The following TNFRSF10D variants were observed in gnomAD, a reference collection of about 807,000 sequenced individuals.
TNFRSF10D encodes the protein TNF receptor superfamily member 10d, also known as tumor necrosis factor receptor superfamily member 10D.
Under a neutral mutation model 42.1 loss-of-function variants are expected in TNFRSF10D, and 28 were observed. The ratio of observed to expected loss-of-function variants is 0.66; its 90% CI spans 0.49 to 0.91. The LOEUF is 0.91. Among genes scored for constraint, TNFRSF10D ranks in the 40% least tolerant of loss-of-function variants. The pLI is 0.00. For synonymous variants in TNFRSF10D, 186 were observed against 189.4 expected (o/e 0.98, Z 0.15); for missense variants, 503 against 486.1 (o/e 1.03, Z -0.33).
chr8:23,142,297 T>A (rs1444459702), intron 7 of TNFRSF10D, among the ~76,000 whole-genome samples: 2 of 151,644 alleles, frequency 1.3e-5, no homozygotes, highest in Non-Finnish European at 2.9e-5. Context: ...AACAAATCAT[T>A]CTACCAAAAG....
rs371780307 is a variant in TNFRSF10D, at chr8:23,138,176, C to T, written c.1027+12G>A. 21 of 1,614,132 alleles carry T rather than the reference C, an allele frequency of 1.3e-5. No individual in the cohort carries two copies. The highest frequency in any genetic ancestry group is 1.8e-5 in the Non-Finnish European group (21 of 1,180,052). On this transcript the variant is annotated intron_variant, in intron 8 of 8. Transcript: ENST00000312584. ...TGTCCTCCTGCTGCGTCTCAAGGCACAAAACACTTACTGTCAGCGGAGTCA... is the reference window on the plus strand; with the variant it reads ...TGTCCTCCTGCTGCGTCTCAAGGCATAAAACACTTACTGTCAGCGGAGTCA...
rs115006844 is a variant in TNFRSF10D at position 23,138,282 on chromosome 8, G to A, written c.955-22C>T. ...GTTCCTGTAACACACAGTGGGGAATGCTCTGGTCAGAGTCAGGAGTCCTGC... is the reference window on the plus strand; with the variant it reads ...GTTCCTGTAACACACAGTGGGGAATACTCTGGTCAGAGTCAGGAGTCCTGC... On this transcript the variant is annotated intron_variant, in intron 7 of 8. Coordinates refer to ENST00000312584, the MANE Select transcript of TNFRSF10D (RefSeq NM_003840.5). The A allele has an allele frequency of 1.7e-3, 2,730 of 1,613,862 alleles. No homozygotes were observed. The African/African-American group carries it at 0.02, about 12-fold the overall frequency.
rs1316421847 is a variant in TNFRSF10D at position 23,151,991 on chromosome 8, C to T, written c.256+2883G>A. On this transcript the variant is annotated intron_variant, in intron 2 of 8. Transcript: ENST00000312584. ...TTTGTCCCGGTGGACTGTCTAATGC[C>T]TAATTGGGTGTTCATCTTGTACATG... 2.0e-5 allele frequency among the ~76,000 whole-genome samples: 3 copies of T among 152,140 alleles called. No individual in the cohort carries two copies. In the South Asian group the frequency reaches 6.2e-4, roughly 32 times the overall value.
At chr8:23,154,677 T>G (rs531006375) in intron 2 of TNFRSF10D, among the ~76,000 whole-genome samples, 197 bp downstream of exon 2, 4 of 152,356 alleles carry the variant, frequency 2.6e-5, no homozygotes, top group African/African-American at 9.6e-5. Context: ...CCCAGGGCTC[T>G]GTATCCATAC....
Position 23,154,992 on chromosome 8 carries a change from G to A in TNFRSF10D, c.151-13C>T. 1 of 1,594,148 alleles carries A rather than the reference G, an allele frequency of 6.3e-7. No individual in the cohort carries two copies. The highest frequency in any genetic ancestry group is 2.3e-5 in the East Asian group (1 of 44,044). ...AGTCAACCCGGACCTGTGGGGACAAGGCAGAGATGGGCTTGAGTGGCTTCC... is the reference window on the plus strand; with the variant it reads ...AGTCAACCCGGACCTGTGGGGACAAAGCAGAGATGGGCTTGAGTGGCTTCC... On this transcript the variant is annotated splice_polypyrimidine_tract_variant and intron_variant, in intron 1 of 8. Coordinates refer to ENST00000312584, the MANE Select transcript of TNFRSF10D (RefSeq NM_003840.5).
intron 7 of TNFRSF10D, among the ~76,000 whole-genome samples, chr8:23,140,023 C>T (rs576501428): frequency 9.2e-5 from 14 of 152,270 alleles, no homozygotes; most frequent in Admixed American, 4.6e-4. Flanking sequence ...GGTACGGTGG[C>T]TCACGCCTGT....
rs1257808104 is a variant in TNFRSF10D, at chr8:23,147,544, G to A, written c.371-472C>T. Among the ~76,000 whole-genome samples, 3 of 152,116 alleles carry A rather than the reference G, an allele frequency of 2.0e-5. No individual in the cohort carries two copies. The East Asian group carries it at 5.8e-4, about 29-fold the overall frequency. On this transcript the variant is annotated intron_variant, in intron 3 of 8. Coordinates refer to ENST00000312584, the MANE Select transcript of TNFRSF10D (RefSeq NM_003840.5). ...CTGCTGGAACCCAGCCCTGTCCACT[G>A]GGCCAGGCCTCCTCTATGCTGTAAT...
chr8:23,156,455 C>T lies in TNFRSF10D; in HGVS notation c.151-1476G>A, dbSNP rs192561174. Among the ~76,000 whole-genome samples, 1,141 of 152,292 alleles carry T rather than the reference C, an allele frequency of 7.5e-3. 10 individuals are homozygous for T. Among genetic ancestry groups the T allele is most frequent in the Non-Finnish European group, 0.012 (793 of 68,026 alleles). Reference sequence around the variant, plus strand: ...CTAATGCACATTTCCCAAATCCTCCCTTCTAGAGCTGGGGTCCCTCTAGGT... The same window carrying T: ...CTAATGCACATTTCCCAAATCCTCCTTTCTAGAGCTGGGGTCCCTCTAGGT... On this transcript the variant is annotated intron_variant, in intron 1 of 8. Transcript: ENST00000312584.
At chr8:23,155,626 GGA>G (rs2128839063) in intron 1 of TNFRSF10D, among the ~76,000 whole-genome samples, 1 of 152,072 alleles carries the variant, frequency 6.6e-6, no homozygotes, top group Non-Finnish European at 1.5e-5. Flanking sequence ...GGCTGAGGCA[GGA>G]GAACGGCGTG....
chr8:23,146,061 CT>C (rs2128836921), intron 4 of TNFRSF10D, 140 bp from the exon 5 acceptor site: 2 of 1,145,328 alleles, frequency 1.7e-6, no homozygotes, highest in East Asian at 4.7e-5. Flanking sequence ...GTGGGTCCCC[CT>C]GTGCTCCCTT....
intron 3 of TNFRSF10D, among the ~76,000 whole-genome samples, 190 bp downstream of exon 3, chr8:23,148,248 A>C (rs1488234437): frequency 6.6e-6 from 1 of 151,732 alleles, no homozygotes; most frequent in East Asian, 1.9e-4. Flanking sequence ...CAAAAAAATA[A>C]ATAAATAAAA....
In TNFRSF10D at chr8:23,163,927, A is replaced by G. The variant is rs149416039; in HGVS notation, c.9T>C (p.Leu3=). The G allele has an allele frequency of 2.5e-6, 4 of 1,574,856 alleles. No homozygotes were observed. Among genetic ancestry groups the G allele is most frequent in the East Asian group, 2.4e-5 (1 of 41,742 alleles). ...AGGCGGTCGGGACGCTTTGTCCCCA[A>G]AGTCCCATGAGAAGGGAGGAGGGTG... MG[L]WGQSVPTASS... Residue 3 remains leucine, a synonymous_variant, in exon 1 of 9, where the codon CTT becomes CTC. Transcript: ENST00000312584.
At chr8:23,149,641 C>T (rs1017008905) in intron 2 of TNFRSF10D, among the ~76,000 whole-genome samples, 1 of 151,846 alleles carries the variant, frequency 6.6e-6, no homozygotes, top group African/African-American at 2.4e-5. Flanking sequence ...GACCTGTTTG[C>T]TGTCCACTCA....
rs1814360361 is a variant in TNFRSF10D at position 23,137,769 on chromosome 8, G to T, written c.*101C>A. On this transcript the variant is annotated 3_prime_UTR_variant, in exon 9 of 9. Coordinates refer to ENST00000312584, the MANE Select transcript of TNFRSF10D (RefSeq NM_003840.5). ...TGCCCCATATTGGATAGTAGAGTTT[G>T]TTGGGGCATGGGTCAAGTACTGGAC... The T allele has an allele frequency of 2.7e-6, 4 of 1,467,160 alleles. No individual in the cohort carries two copies. The East Asian group carries it at 6.8e-5, about 25-fold the overall frequency. The allele number at this position is 1,467,160 out of a possible 1,614,324, so 90.9% of individuals were successfully genotyped here. A position where few individuals can be genotyped will look rare whatever the true frequency, so the allele number is the denominator to read the frequency against.
rs544774347 is a variant in TNFRSF10D at position 23,156,730 on chromosome 8, G to A, written c.151-1751C>T. Among the ~76,000 whole-genome samples, 354 of 152,042 alleles carry A rather than the reference G, an allele frequency of 2.3e-3. 3 individuals are homozygous for A. The highest frequency in any genetic ancestry group is 8.1e-3 in the African/African-American group (335 of 41,454). On this transcript the variant is annotated intron_variant, in intron 1 of 8. Coordinates refer to ENST00000312584, the MANE Select transcript of TNFRSF10D (RefSeq NM_003840.5). ...AGACAGGAGAGTGCCCCAATGCCTG[G>A]GCTAATATTGGTGTATTTTATACAG...
chr8:23,163,714 C>A (rs1800408896), intron 1 of TNFRSF10D, 72 bp downstream of exon 1: 1 of 1,558,686 alleles, frequency 6.4e-7, no homozygotes, highest in South Asian at 1.2e-5. Flanking sequence ...CCCACCGTGT[C>A]CCCCTCTCTC....
At position 23,136,149 on chromosome 8, in the gene TNFRSF10D, A is replaced by G. The variant is rs1197047049; in HGVS notation, c.*1721T>C. 3.5e-6 allele frequency: 1 copy of G among 283,354 alleles called. No individual in the cohort carries two copies. Among genetic ancestry groups the G allele is most frequent in the Admixed American group, 4.3e-5 (1 of 23,410 alleles). The allele number at this position is 283,354 out of a possible 1,614,324, so 17.6% of individuals were successfully genotyped here. A position where few individuals can be genotyped will look rare whatever the true frequency, so the allele number is the denominator to read the frequency against. On this transcript the variant is annotated 3_prime_UTR_variant, in exon 9 of 9. Transcript: ENST00000312584. ...AGACTGAAACCCCTAGAATGACTATATCCGTAATTTATCCTACCACGACTG... is the reference window on the plus strand; with the variant it reads ...AGACTGAAACCCCTAGAATGACTATGTCCGTAATTTATCCTACCACGACTG...
intron 3 of TNFRSF10D, among the ~76,000 whole-genome samples, chr8:23,147,378 C>T (rs1006205124): frequency 2.0e-5 from 3 of 152,210 alleles, no homozygotes; most frequent in Non-Finnish European, 4.4e-5. Context: ...GAGAGGGGCC[C>T]TTGGGGGACT....
At chr8:23,152,367 A>C (rs1263874595) in intron 2 of TNFRSF10D, among the ~76,000 whole-genome samples, 1 of 152,204 alleles carries the variant, frequency 6.6e-6, no homozygotes. Context: ...ACACCTTTAT[A>C]AAGATCCATG....
Sources: gnomAD v4.1 joint callset for allele counts (sites outside exome capture counted in the v4.1 genomes callset) on GRCh38, gnomAD v4.1.1 for gene constraint, MANE v1.5 for transcripts, NCBI Gene and HGNC (gene_info 2026-07-23, HGNC 2026-07-21) for gene names.